Variants in ALDH1L1 observed in about 807,000 individuals in gnomAD.
ALDH1L1 encodes the protein cytosolic 10-formyltetrahydrofolate dehydrogenase.
In ALDH1L1, 68 loss-of-function variants were observed where a neutral mutation model predicts 101.1. That is an observed-to-expected ratio of 0.67 (90% CI 0.55 to 0.82). The LOEUF (loss-of-function observed/expected upper bound fraction) is 0.82, where lower values mean the gene tolerates loss of function less well. ALDH1L1 is among the 40% of genes least tolerant of loss of function. The pLI is 0.00. For missense variants in ALDH1L1, 1,087 were observed against 1,172.7 expected (o/e 0.93, Z 1.07); for synonymous variants, 486 against 470.8 (o/e 1.03, Z -0.42).
intron 16 of ALDH1L1, among the ~76,000 whole-genome samples, chr3:126,122,222 C>T (rs1327187489): frequency 6.6e-6 from 1 of 152,096 alleles, no homozygotes; most frequent in African/African-American, 2.4e-5. Flanking sequence ...TGACTACAGA[C>T]AGTAGTCAGA....
At chr3:126,176,260 G>A (rs764596016) in intron 1 of ALDH1L1, among the ~76,000 whole-genome samples, 18 of 152,064 alleles carry the variant, frequency 1.2e-4, no homozygotes, top group Non-Finnish European at 1.8e-4. Flanking sequence ...AGTTCTTTCC[G>A]ACTTTATCTA....
At chr3:126,108,516 G>A (rs1274369921) in intron 20 of ALDH1L1, among the ~76,000 whole-genome samples, 1 of 152,192 alleles carries the variant, frequency 6.6e-6, no homozygotes, top group African/African-American at 2.4e-5. Context: ...TCCTGGTGAT[G>A]CTCCCCCAAC....
At chr3:126,185,983 C>T (rs1456723626), upstream of ALDH1L1, among the ~76,000 whole-genome samples, 3 of 151,874 alleles carry the variant, frequency 2.0e-5, no homozygotes, top group Non-Finnish European at 4.4e-5. Context: ...CTAAAGTACT[C>T]ATGTTCATAG....
Position 126,127,198 on chromosome 3 carries a change from G to A in ALDH1L1, c.1695-1477C>T, listed in dbSNP as rs148076940. Among the ~76,000 whole-genome samples the A allele has an allele frequency of 7.3e-3, 1,107 of 152,288 alleles. 9 individuals are homozygous for A. The highest frequency in any genetic ancestry group is 0.02 in the Middle Eastern group (6 of 294). On this transcript the variant is annotated intron_variant, in intron 14 of 22. Transcript: ENST00000393434. Reference sequence around the variant, plus strand: ...CTGGTTAGGGGAAAGGCCGAGCCCCGGGACTGGAGTGTGCAGAGCTGGCCC... The same window carrying A: ...CTGGTTAGGGGAAAGGCCGAGCCCCAGGACTGGAGTGTGCAGAGCTGGCCC...
chr3:126,137,167 T>C (rs2108252920), intron 10 of ALDH1L1, among the ~76,000 whole-genome samples: 1 of 152,326 alleles, frequency 6.6e-6, no homozygotes, highest in Middle Eastern at 3.4e-3. Context: ...TGCCAGTGGC[T>C]AGTGAAGCCC....
intron 8 of ALDH1L1, among the ~76,000 whole-genome samples, chr3:126,147,481 G>A (rs1230820383): frequency 1.3e-5 from 2 of 152,192 alleles, no homozygotes; most frequent in South Asian, 2.1e-4. Flanking sequence ...ATTCAGTCTG[G>A]GACCTATGGA....
intron 1 of ALDH1L1, among the ~76,000 whole-genome samples, chr3:126,176,692 C>G (rs1043742480): frequency 2.0e-5 from 3 of 152,056 alleles, no homozygotes; most frequent in Admixed American, 6.6e-5. Flanking sequence ...AACAACAGCA[C>G]AATTCATGGA....
chr3:126,125,649 A>G lies in ALDH1L1; in HGVS notation c.1767T>C (p.Ala589=). 1.3e-6 allele frequency: 2 copies of G among 1,598,956 alleles called. No homozygotes were observed. The highest frequency in any genetic ancestry group is 1.7e-6 in the Non-Finnish European group (2 of 1,171,812). Reference sequence around the variant, plus strand: ...GCTTGATCACCACTGTGTTCCCGGCAGCCAGGCAGGCAGCTGTCTTCCAGG... The same window carrying G: ...GCTTGATCACCACTGTGTTCCCGGCGGCCAGGCAGGCAGCTGTCTTCCAGG... ...MLSWKTAACL[A]AGNTVVIKPA... The change falls in exon 15 of 23, where the codon GCT becomes GCC. Residue 589 remains alanine (A), a synonymous_variant. Transcript: ENST00000393434.
chr3:126,160,833 T>C lies in ALDH1L1; in HGVS notation c.127+20A>G. On this transcript the variant is annotated intron_variant, in intron 2 of 22. Transcript: ENST00000393434. The stretch of plus-strand genomic sequence containing the variant: ...GCGGGCCGCCCTCCATCAGCTTCCC[T>C]GCTCCATTGGCTCACTCACCCAGGG... The C allele has an allele frequency of 6.2e-7, 1 of 1,612,366 alleles. No individual in the cohort carries two copies. Among genetic ancestry groups the C allele is most frequent in the Non-Finnish European group, 8.5e-7 (1 of 1,179,008 alleles).
At position 126,180,495 on chromosome 3, in the gene ALDH1L1, G is replaced by T; in HGVS notation, c.-43C>A. On this transcript the variant is annotated 5_prime_UTR_variant, in exon 1 of 23. Coordinates refer to ENST00000393434, the MANE Select transcript of ALDH1L1 (RefSeq NM_012190.4). Reference sequence around the variant, plus strand: ...ACTCACCGCGCGCAGGAGTTGGTGCGGGCGTCCCGGGCAGGTTAGACTTCT... The same window carrying T: ...ACTCACCGCGCGCAGGAGTTGGTGCTGGCGTCCCGGGCAGGTTAGACTTCT... 2 of 997,602 alleles carry T rather than the reference G, an allele frequency of 2.0e-6. No individual in the cohort carries two copies. Among genetic ancestry groups the T allele is most frequent in the Non-Finnish European group, 1.2e-6 (1 of 837,118 alleles). The allele number at this position is 997,602 out of a possible 1,614,324, so 61.8% of individuals were successfully genotyped here. A position where few individuals can be genotyped will look rare whatever the true frequency, so the allele number is the denominator to read the frequency against.
intron 9 of ALDH1L1, among the ~76,000 whole-genome samples, chr3:126,138,784 A>C (rs541818572): frequency 6.6e-6 from 1 of 152,352 alleles, no homozygotes; most frequent in African/African-American, 2.4e-5. Flanking sequence ...TATCCAAAAG[A>C]AATAAAGGCC....
intron 16 of ALDH1L1, among the ~76,000 whole-genome samples, chr3:126,120,147 A>C (rs6774437): frequency 0.48 from 72,753 of 152,108 alleles, 17,747 homozygotes; most frequent in East Asian, 0.53. Context: ...AAGGAGTTGA[A>C]AACTTACGTC....
intron 9 of ALDH1L1, among the ~76,000 whole-genome samples, chr3:126,144,088 AGG>A (rs2080623108): frequency 6.6e-6 from 1 of 152,244 alleles, no homozygotes; most frequent in Non-Finnish European, 1.5e-5. Context: ...CAATCCAAAA[AGG>A]AAATTAATAA....
intron 7 of ALDH1L1, chr3:126,152,936 C>A: frequency 4.3e-6 from 1 of 234,424 alleles, no homozygotes. Flanking sequence ...GGTGCTCCAT[C>A]AGTGTTTGCT....
At chr3:126,133,303 G>A (rs1443422633) in intron 12 of ALDH1L1, among the ~76,000 whole-genome samples, 1 of 152,180 alleles carries the variant, frequency 6.6e-6, no homozygotes, top group African/African-American at 2.4e-5. Context: ...CAGACCCAGA[G>A]GCTCCCACTG....
At chr3:126,105,676 G>A (rs1452837083) in intron 22 of ALDH1L1, 50 bp downstream of exon 22, 1 of 1,603,804 alleles carries the variant, frequency 6.2e-7, no homozygotes, top group African/African-American at 1.3e-5. Flanking sequence ...TTGAACAGAT[G>A]TTTGTTGAAT....
chr3:126,166,327 T>C (rs1185732667), intron 1 of ALDH1L1, among the ~76,000 whole-genome samples: 1 of 152,226 alleles, frequency 6.6e-6, no homozygotes, highest in African/African-American at 2.4e-5. Context: ...TAAAAATCCC[T>C]CTCATTATCA....
At chr3:126,155,350 A>AC (rs903624144) in intron 5 of ALDH1L1, 52 bp downstream of exon 5, 80 of 1,542,522 alleles carry the variant, frequency 5.2e-5, no homozygotes, top group Non-Finnish European at 6.6e-5. Flanking sequence ...GCCCTCTACA[A>AC]CCCCAGTCTG....
upstream of ALDH1L1, among the ~76,000 whole-genome samples, chr3:126,183,187 T>G (rs2081490745): frequency 6.6e-6 from 1 of 152,184 alleles, no homozygotes; most frequent in Non-Finnish European, 1.5e-5. Context: ...CTAAGAAGCT[T>G]ACAGTTGTCC....
Sources: gnomAD v4.1 joint callset for allele counts (sites outside exome capture counted in the v4.1 genomes callset) on GRCh38, gnomAD v4.1.1 for gene constraint, MANE v1.5 for transcripts, NCBI Gene and HGNC (gene_info 2026-07-23, HGNC 2026-07-21) for gene names.